The following LAMA2 variants were observed in gnomAD, a reference collection of about 807,000 sequenced individuals.
The protein encoded by LAMA2 is laminin subunit alpha-2.
A neutral mutation model predicts 364.8 loss-of-function variants in LAMA2; 269 were observed. That is an observed-to-expected ratio of 0.74 (90% CI 0.67 to 0.82). The LOEUF is 0.82. LAMA2 is among the 40% of genes least tolerant of loss of function. The pLI is 0.00. For synonymous variants in LAMA2, 1,379 were observed against 1,370.6 expected (o/e 1.01, Z -0.14); for missense variants, 3,807 against 3,873.2 (o/e 0.98, Z 0.45).
rs1341718613 is a variant in LAMA2 at position 128,883,377 on chromosome 6, T to C, written c.112+20T>C. The C allele has an allele frequency of 6.4e-7, 1 of 1,572,874 alleles. No individual in the cohort carries two copies. Among genetic ancestry groups the C allele is most frequent in the Non-Finnish European group, 8.6e-7 (1 of 1,159,364 alleles). On this transcript the variant is annotated intron_variant, in intron 1 of 64. Coordinates refer to ENST00000421865, the MANE Select transcript of LAMA2 (RefSeq NM_000426.4). Reference sequence around the variant, plus strand: ...AAAGAGGTACAGTCGAGGCATGGGCTTGGGTTGCATCCTTTGCCGGGACCG... The same window carrying C: ...AAAGAGGTACAGTCGAGGCATGGGCCTGGGTTGCATCCTTTGCCGGGACCG...
At chr6:128,969,479 T>A (rs1782055326) in intron 1 of LAMA2, among the ~76,000 whole-genome samples, 1 of 152,182 alleles carries the variant, frequency 6.6e-6, no homozygotes, top group African/African-American at 2.4e-5. Context: ...TTGCCCAGGC[T>A]GGAGTGTAGT....
intron 42 of LAMA2, 53 bp downstream of exon 42, chr6:129,438,815 C>A: frequency 1.1e-6 from 1 of 902,280 alleles, no homozygotes; most frequent in Non-Finnish European, 1.9e-6. Flanking sequence ...GTTTTGAAGA[C>A]TGTTGTTAAC....
intron 28 of LAMA2, among the ~76,000 whole-genome samples, chr6:129,323,526 T>G (rs1404789426): frequency 6.6e-6 from 1 of 152,190 alleles, no homozygotes; most frequent in Non-Finnish European, 1.5e-5. Flanking sequence ...ATTTACTATT[T>G]GCAGAAGGGG....
chr6:129,296,609 A>T, intron 20 of LAMA2, among the ~76,000 whole-genome samples: 2 of 152,200 alleles, frequency 1.3e-5, no homozygotes, highest in Middle Eastern at 6.8e-3. Flanking sequence ...TAATATCTAA[A>T]ATATATAATG....
intron 17 of LAMA2, among the ~76,000 whole-genome samples, chr6:129,277,485 A>G (rs530082635): frequency 1.3e-5 from 2 of 152,306 alleles, no homozygotes; most frequent in South Asian, 2.1e-4. Flanking sequence ...ACAAATACAG[A>G]TATATTTTAT....
intron 62 of LAMA2, among the ~76,000 whole-genome samples, chr6:129,511,757 A>T (rs924702610): frequency 1.0e-5 from 1 of 99,526 alleles, no homozygotes; most frequent in Non-Finnish European, 2.4e-5. Context: ...AATATGGAAA[A>T]TCATAGAGGA....
intron 1 of LAMA2, among the ~76,000 whole-genome samples, chr6:128,993,964 A>C (rs538499534): frequency 6.6e-6 from 1 of 152,322 alleles, no homozygotes; most frequent in African/African-American, 2.4e-5. Context: ...AGAGTTTTAA[A>C]CTTGATAACT....
At chr6:128,911,260 C>T (rs1340010656) in intron 1 of LAMA2, among the ~76,000 whole-genome samples, 3 of 152,178 alleles carry the variant, frequency 2.0e-5, no homozygotes, top group Non-Finnish European at 4.4e-5. Context: ...GCAGTTTGAT[C>T]TCAGACTGCT....
chr6:129,075,798 T>C (rs1040767737), intron 3 of LAMA2, among the ~76,000 whole-genome samples: 1 of 152,006 alleles, frequency 6.6e-6, no homozygotes, highest in African/African-American at 2.4e-5. Context: ...CTTTGAAGCA[T>C]TCGAGTGGTG....
intron 1 of LAMA2, among the ~76,000 whole-genome samples, chr6:128,956,092 T>A (rs995505285): frequency 6.6e-6 from 1 of 151,930 alleles, no homozygotes; most frequent in African/African-American, 2.4e-5. Context: ...GCAATTACCA[T>A]CAAAGATACA....
intron 1 of LAMA2, among the ~76,000 whole-genome samples, chr6:128,976,871 T>C (rs1236792167): frequency 1.3e-5 from 2 of 152,216 alleles, no homozygotes; most frequent in South Asian, 2.1e-4. Context: ...AGTAGTCTTA[T>C]GATCCAATGC....
intron 9 of LAMA2, among the ~76,000 whole-genome samples, chr6:129,167,158 G>A (rs1183643796): frequency 6.6e-6 from 1 of 151,654 alleles, no homozygotes; most frequent in Non-Finnish European, 1.5e-5. Flanking sequence ...TTCCGATTCA[G>A]TTTTTATTTT....
At chr6:128,884,995 G>A (rs1381241172) in intron 1 of LAMA2, among the ~76,000 whole-genome samples, 1 of 151,964 alleles carries the variant, frequency 6.6e-6, no homozygotes, top group Non-Finnish European at 1.5e-5. Flanking sequence ...TTTCAAATAA[G>A]GTAATATTAA....
intron 63 of LAMA2, 105 bp from the exon 64 acceptor site, chr6:129,514,268 T>A: frequency 1.2e-6 from 1 of 867,118 alleles, no homozygotes; most frequent in Non-Finnish European, 1.9e-6. Context: ...TTTCAAATGA[T>A]TCTGGCTGAT....
chr6:129,326,924 AG>A lies in LAMA2; in HGVS notation c.4177-1353del, dbSNP rs532352425. 3.8e-3 allele frequency among the ~76,000 whole-genome samples: 573 copies of A among 151,140 alleles called. 5 individuals carry two copies. The highest frequency in any genetic ancestry group is 0.013 in the African/African-American group (532 of 41,292). ...TAAATAGATCTTGGTTTATTTCTTCAGTTATGCTTAAACTAATTCTTCAACC... is the reference window on the plus strand; with the variant it reads ...TAAATAGATCTTGGTTTATTTCTTCATTATGCTTAAACTAATTCTTCAACC... On this transcript the variant is annotated intron_variant, in intron 28 of 64. Transcript: ENST00000421865.
At chr6:129,406,743 G>T (rs1780267562) in intron 40 of LAMA2, among the ~76,000 whole-genome samples, 1 of 152,072 alleles carries the variant, frequency 6.6e-6, no homozygotes, top group Admixed American at 6.6e-5. Context: ...ATGTTCTCTA[G>T]AAGGACAGAA....
chr6:129,146,566 G>A (rs1778466763), intron 5 of LAMA2, among the ~76,000 whole-genome samples: 1 of 151,932 alleles, frequency 6.6e-6, no homozygotes, highest in South Asian at 2.1e-4. Flanking sequence ...CGTATGATTT[G>A]TGAATACTGC....
intron 23 of LAMA2, 81 bp downstream of exon 23, chr6:129,313,178 T>TGTTATACCTGCTTC: frequency 1.2e-6 from 1 of 822,086 alleles, no homozygotes; most frequent in Non-Finnish European, 2.0e-6. Flanking sequence ...ATTCAGTGTT[T>TGTTATACCTGCTTC]GTTATACCTG....
At chr6:129,290,599 G>C (rs1177428115) in intron 19 of LAMA2, among the ~76,000 whole-genome samples, 1 of 152,198 alleles carries the variant, frequency 6.6e-6, no homozygotes. Flanking sequence ...AAAATATTCA[G>C]AAATTTAACA....
Sources: allele counts gnomAD v4.1 joint callset (sites outside exome capture counted in the v4.1 genomes callset), GRCh38; gene constraint gnomAD v4.1.1; transcripts MANE v1.5; gene names NCBI Gene and HGNC (gene_info 2026-07-23, HGNC 2026-07-21).